Variants in DLGAP3 observed in about 807,000 individuals in gnomAD.
The protein encoded by DLGAP3 is disks large-associated protein 3.
A neutral mutation model predicts 81.2 loss-of-function variants in DLGAP3; 17 were observed. The ratio of observed to expected loss-of-function variants is 0.21; its 90% CI spans 0.14 to 0.31. The LOEUF (loss-of-function observed/expected upper bound fraction) is 0.31. Ranked by LOEUF, DLGAP3 falls within the 10% of genes least tolerant of loss-of-function variation. The probability of loss-of-function intolerance (pLI) is 1.00; values close to 1 mark genes in which losing one functional copy is unlikely to be tolerated. For missense variants in DLGAP3, 1,124 were observed against 1,388.0 expected (o/e 0.81, Z 3.02); for synonymous variants, 577 against 587.4 (o/e 0.98, Z 0.26).
At chr1:34,871,504 TGA>T (rs1280345774) in intron 8 of DLGAP3, among the ~76,000 whole-genome samples, 5 of 152,168 alleles carry the variant, frequency 3.3e-5, no homozygotes, top group African/African-American at 1.2e-4. Flanking sequence ...CTCTTTCTGG[TGA>T]GAGTCTTGAA....
intron 1 of DLGAP3, among the ~76,000 whole-genome samples, chr1:34,909,817 A>T (rs1286423174): frequency 6.6e-6 from 1 of 152,024 alleles, no homozygotes; most frequent in Non-Finnish European, 1.5e-5. Context: ...TGCTCTATGG[A>T]TTTTGCTTCC....
At chr1:34,917,051 C>A (rs1017719760) in intron 1 of DLGAP3, among the ~76,000 whole-genome samples, 1 of 151,936 alleles carries the variant, frequency 6.6e-6, no homozygotes, top group Non-Finnish European at 1.5e-5. Context: ...CTGAGGAGGC[C>A]AATAGGTGGA....
intron 8 of DLGAP3, among the ~76,000 whole-genome samples, chr1:34,870,041 C>T (rs775236029): frequency 4.6e-5 from 7 of 152,144 alleles, no homozygotes; most frequent in Admixed American, 1.3e-4. Context: ...CTAGGGACCC[C>T]GATGGCTCAG....
Position 34,900,061 on chromosome 1 carries a change from T to C in DLGAP3, c.1313+7A>G. The C allele has an allele frequency of 6.2e-7, 1 of 1,612,140 alleles. No individual in the cohort carries two copies. Among genetic ancestry groups the C allele is most frequent in the South Asian group, 1.1e-5 (1 of 91,066 alleles). On this transcript the variant is annotated splice_region_variant and intron_variant, in intron 4 of 11. Transcript: ENST00000373347. This position sits in a 1 kb window ranked among gnomAD's most constrained non-coding sequence, Gnocchi z 5.6. ...ACCCCGCACCCCCCGGCCCTCCCTGTCCTTACTTGATCCTGGCCTGGTCCA... is the reference window on the plus strand; with the variant it reads ...ACCCCGCACCCCCCGGCCCTCCCTGCCCTTACTTGATCCTGGCCTGGTCCA...
rs1235125679 is a variant in DLGAP3 at position 34,873,715 on chromosome 1, A to T, written c.2001-4626T>A. Among the ~76,000 whole-genome samples the T allele has an allele frequency of 6.6e-6, 1 of 152,194 alleles. No individual in the cohort carries two copies. Among genetic ancestry groups the T allele is most frequent in the East Asian group, 1.9e-4 (1 of 5,196 alleles). Reference sequence around the variant, plus strand: ...TGATCATTTCCATCTGTTCTCCCACAGCGCTTTGAACAAAACTCTTTTATA... The same window carrying T: ...TGATCATTTCCATCTGTTCTCCCACTGCGCTTTGAACAAAACTCTTTTATA... On this transcript the variant is annotated intron_variant, in intron 8 of 11. Transcript: ENST00000373347. The surrounding 1 kb of genome is among the most constrained non-coding windows in gnomAD (Gnocchi z 4.2).
chr1:34,904,798 T>A lies in DLGAP3; in HGVS notation c.586A>T (p.Asn196Tyr). 1 of 1,610,664 alleles carries A rather than the reference T, an allele frequency of 6.2e-7. No homozygotes were observed. The highest frequency in any genetic ancestry group is 1.1e-5 in the South Asian group (1 of 91,078). The change falls in exon 3 of 12, where the codon AAT becomes TAT. Residue 196 changes from asparagine to tyrosine, a missense_variant. Physicochemically the swap from Asn to Tyr is moderately radical, Grantham distance 143 (BLOSUM62 -2). Around this residue, in one of 9 missense-constraint regions of DLGAP3, gnomAD observed 65 missense variants for 78.2 expected, o/e 0.83. Coordinates refer to ENST00000373347, the MANE Select transcript of DLGAP3 (RefSeq NM_001080418.3). This position sits in a 1 kb window ranked among gnomAD's most constrained non-coding sequence, Gnocchi z 8.1. ...SLEAPGKRDY[N>Y]GPKAEGRGGS... Reference sequence around the variant, plus strand: ...CCTCTTCCCTCAGCCTTGGGCCCATTATAGTCCCGCTTCCCCGGCGCCTCC... The same window carrying A: ...CCTCTTCCCTCAGCCTTGGGCCCATAATAGTCCCGCTTCCCCGGCGCCTCC...
At chr1:34,903,126 T>C (rs1639487714) in intron 3 of DLGAP3, among the ~76,000 whole-genome samples, 1 of 152,194 alleles carries the variant, frequency 6.6e-6, no homozygotes, top group African/African-American at 2.4e-5. Context: ...CTCCATACCT[T>C]TGAACATGCT....
chr1:34,909,362 T>G (rs1410813215), intron 1 of DLGAP3, among the ~76,000 whole-genome samples: 1 of 152,202 alleles, frequency 6.6e-6, no homozygotes, highest in African/African-American at 2.4e-5. Flanking sequence ...AGGGAAGCCC[T>G]GTATAGTGGA....
intron 8 of DLGAP3, among the ~76,000 whole-genome samples, chr1:34,875,757 C>T (rs762080963): frequency 8.7e-4 from 132 of 152,244 alleles, no homozygotes; most frequent in Non-Finnish European, 1.2e-3. Context: ...TGTTGAGACA[C>T]GGCTGGTAAC....
In DLGAP3 at chr1:34,904,187, T is replaced by G; in HGVS notation, c.1107+90A>C. On this transcript the variant is annotated intron_variant, in intron 3 of 11. Coordinates refer to ENST00000373347, the MANE Select transcript of DLGAP3 (RefSeq NM_001080418.3). This position sits in a 1 kb window ranked among gnomAD's most constrained non-coding sequence, Gnocchi z 8.1. ...CCAGGCCCTCCATCACAGGGACAGCTGGCTCCCACCCAACCCTTTCCACTG... is the reference window on the plus strand; with the variant it reads ...CCAGGCCCTCCATCACAGGGACAGCGGGCTCCCACCCAACCCTTTCCACTG... 1 of 1,521,786 alleles carries G rather than the reference T, an allele frequency of 6.6e-7. No homozygotes were observed. The highest frequency in any genetic ancestry group is 1.1e-5 in the South Asian group (1 of 88,808). 94.3% of individuals were successfully genotyped at this position (1,521,786 alleles called of 1,614,324 possible). A position where few individuals can be genotyped will look rare whatever the true frequency, so the allele number is the denominator to read the frequency against.
intron 5 of DLGAP3, among the ~76,000 whole-genome samples, chr1:34,887,546 A>G (rs1467817249): frequency 6.6e-6 from 1 of 152,216 alleles, no homozygotes; most frequent in Non-Finnish European, 1.5e-5. Context: ...GAACTGGTGC[A>G]AAGAAAAAGT....
intron 1 of DLGAP3, among the ~76,000 whole-genome samples, chr1:34,913,117 C>A (rs1346227666): frequency 6.6e-6 from 1 of 152,144 alleles, no homozygotes; most frequent in African/African-American, 2.4e-5. Flanking sequence ...CCCCTCACTG[C>A]CCCAGAAAAT....
At chr1:34,921,472 A>G (rs542872056) in intron 1 of DLGAP3, among the ~76,000 whole-genome samples, 89 of 151,976 alleles carry the variant, frequency 5.9e-4, no homozygotes, top group African/African-American at 2.0e-3. Context: ...GAGCCAACCT[A>G]CCTCTCTTTA....
At chr1:34,866,785 C>CG (rs1424142974) in intron 11 of DLGAP3, among the ~76,000 whole-genome samples, 1 of 64,736 alleles carries the variant, frequency 1.5e-5, no homozygotes, top group Non-Finnish European at 3.7e-5. Context: ...GCCGCCGCCA[C>CG]CCCCCCAACC....
chr1:34,887,650 C>A (rs565845268), intron 5 of DLGAP3, among the ~76,000 whole-genome samples: 3 of 152,274 alleles, frequency 2.0e-5, no homozygotes, highest in Admixed American at 1.3e-4. Context: ...ACATGTTTAA[C>A]CCTGAGCTTC....
chr1:34,876,725 G>A (rs1639065277), intron 8 of DLGAP3, among the ~76,000 whole-genome samples: 1 of 152,162 alleles, frequency 6.6e-6, no homozygotes, highest in South Asian at 2.1e-4. Flanking sequence ...GTCCCAGGCA[G>A]TTTGGTTCTT....
intron 1 of DLGAP3, among the ~76,000 whole-genome samples, chr1:34,918,909 G>C (rs1008976650): frequency 6.6e-6 from 1 of 152,146 alleles, no homozygotes; most frequent in Non-Finnish European, 1.5e-5. Flanking sequence ...AAGCTAGAGG[G>C]GTGGGGGCTT....
chr1:34,878,160 AG>A (rs1200552823), intron 8 of DLGAP3, among the ~76,000 whole-genome samples: 1 of 152,188 alleles, frequency 6.6e-6, no homozygotes, highest in Non-Finnish European at 1.5e-5. Flanking sequence ...CAAAAAAATT[AG>A]CCAGGTGTGG....
chr1:34,916,111 A>G (rs1365583896), intron 1 of DLGAP3, among the ~76,000 whole-genome samples: 1 of 152,186 alleles, frequency 6.6e-6, no homozygotes, highest in Non-Finnish European at 1.5e-5. Context: ...TCAGCAACTG[A>G]GCCATCAAGG....
Sources: allele counts gnomAD v4.1 joint callset (sites outside exome capture counted in the v4.1 genomes callset), GRCh38; gene constraint gnomAD v4.1.1; regional missense constraint gnomAD v4.1.1; non-coding constraint Gnocchi (gnomAD v3.1); transcripts MANE v1.5; gene names NCBI Gene and HGNC (gene_info 2026-07-23, HGNC 2026-07-21).